The following GINM1 variants were observed in gnomAD, a reference collection of about 807,000 sequenced individuals.
GINM1 encodes the protein glycosylated integral membrane protein 1, also known as glycoprotein integral membrane protein 1.
GINM1 carries 29 observed loss-of-function variants against 37.8 expected under a neutral mutation model. The observed-to-expected ratio is 0.77, with a 90% CI of 0.57 to 1.05. The LOEUF (loss-of-function observed/expected upper bound fraction) is 1.05. GINM1 is among the 50% of genes least tolerant of loss of function. The pLI is 0.00. For synonymous variants in GINM1, 143 were observed against 146.2 expected (o/e 0.98, Z 0.16); for missense variants, 377 against 397.9 (o/e 0.95, Z 0.45).
intron 5 of GINM1, among the ~76,000 whole-genome samples, chr6:149,580,265 T>TA (rs1481696577): frequency 1.3e-5 from 2 of 152,354 alleles, no homozygotes; most frequent in Admixed American, 1.3e-4. Flanking sequence ...TAATTACTCT[T>TA]ACTCTGGGTA....
intron 6 of GINM1, 157 bp from the exon 7 acceptor site, chr6:149,582,283 T>C (rs1202247737): frequency 3.1e-6 from 2 of 651,852 alleles, no homozygotes; most frequent in Non-Finnish European, 5.4e-6. Flanking sequence ...ATTTAAAATA[T>C]ACAATTAGTT....
rs560037726 is a variant in GINM1, at chr6:149,577,174, G to A, written c.278-1648G>A. ...TGCGGGGAACATCCAAACTATATCA[G>A]GTACCAAATTTGCAGGCTGAAGAAT... On this transcript the variant is annotated intron_variant, in intron 3 of 7. Coordinates refer to ENST00000367419, the MANE Select transcript of GINM1 (RefSeq NM_138785.5). Among the ~76,000 whole-genome samples, 113 of 152,304 alleles carry A rather than the reference G, an allele frequency of 7.4e-4. 1 individual carries two copies. Among genetic ancestry groups the A allele is most frequent in the Admixed American group, 2.0e-3 (31 of 15,306 alleles).
At chr6:149,583,260 T>C (rs1562272961) in intron 7 of GINM1, among the ~76,000 whole-genome samples, 1 of 151,976 alleles carries the variant, frequency 6.6e-6, no homozygotes, top group Non-Finnish European at 1.5e-5. Context: ...GTCAGGAATT[T>C]GAGACCAGCC....
At chr6:149,580,461 C>G (rs760710730) in intron 5 of GINM1, 132 bp from the exon 6 acceptor site, 4 of 712,974 alleles carry the variant, frequency 5.6e-6, no homozygotes, top group Non-Finnish European at 9.3e-6. Flanking sequence ...AGTGAACATT[C>G]AGATGTGTTA....
chr6:149,572,977 T>C (rs1461794101), intron 3 of GINM1, among the ~76,000 whole-genome samples: 1 of 152,222 alleles, frequency 6.6e-6, no homozygotes, highest in Non-Finnish European at 1.5e-5. Context: ...GTTCTGTTTT[T>C]AATAATACTA....
intron 7 of GINM1, among the ~76,000 whole-genome samples, 190 bp from the exon 8 acceptor site, chr6:149,590,537 C>T (rs1778139047): frequency 6.6e-6 from 1 of 152,168 alleles, no homozygotes; most frequent in African/African-American, 2.4e-5. Context: ...CCTTTCTATT[C>T]TCTCAGCCAG....
intron 1 of GINM1, among the ~76,000 whole-genome samples, chr6:149,570,136 T>TTA (rs549791771): frequency 6.1e-4 from 28 of 45,776 alleles, no homozygotes; most frequent in Non-Finnish European, 8.9e-4. Flanking sequence ...TAGGTAGGTT[T>TTA]TATATATATA....
chr6:149,569,287 C>T (rs1255613572), intron 1 of GINM1, among the ~76,000 whole-genome samples: 2 of 150,774 alleles, frequency 1.3e-5, no homozygotes, highest in Non-Finnish European at 2.9e-5. Context: ...CCACCCGCCT[C>T]AGCCTTCCAA....
In GINM1 at chr6:149,582,580, G is replaced by A. The variant is rs370097169; in HGVS notation, c.858G>A (p.Val286=). The stretch of plus-strand genomic sequence containing the variant: ...CTGTGGTAATAACCATCTTAAAGGT[G>A]TTTTTCCCAGTTTCTGAATACAAGT... ...GAAVVITILK[V]FFPVSEYKGI... The change falls in exon 7 of 8, where the codon GTG becomes GTA. Residue 286 remains valine, a synonymous_variant. Transcript: ENST00000367419. The A allele has an allele frequency of 1.9e-6, 3 of 1,579,854 alleles. No homozygotes were observed. The highest frequency in any genetic ancestry group is 1.7e-6 in the Non-Finnish European group (2 of 1,169,892).
intron 3 of GINM1, chr6:149,578,326 A>C (rs1777945896): frequency 6.6e-6 from 1 of 152,228 alleles, no homozygotes; most frequent in Admixed American, 6.6e-5. Context: ...AGTTAGCAAG[A>C]CCAGCCCGGC....
intron 6 of GINM1, among the ~76,000 whole-genome samples, chr6:149,581,414 C>T (rs1199872886): frequency 1.3e-5 from 2 of 152,198 alleles, no homozygotes; most frequent in Non-Finnish European, 2.9e-5. Context: ...CCATCTTGGC[C>T]TCCCAAAGTG....
At position 149,566,402 on chromosome 6, in the gene GINM1, C is replaced by A. The variant is rs755503230; in HGVS notation, c.-13C>A. 8 of 1,553,916 alleles carry A rather than the reference C, an allele frequency of 5.1e-6. No homozygotes were observed. The South Asian group carries it at 9.3e-5, about 18-fold the overall frequency. On this transcript the variant is annotated 5_prime_UTR_variant, in exon 1 of 8. Coordinates refer to ENST00000367419, the MANE Select transcript of GINM1 (RefSeq NM_138785.5). This position sits in a 1 kb window ranked among gnomAD's most constrained non-coding sequence, Gnocchi z 4.4. The stretch of plus-strand genomic sequence containing the variant: ...CTCCCGGCCGCGGCTGCCCTCTGCC[C>A]GGGTTGTCCAAGATGGAGGGCGCTC...
chr6:149,583,771 G>A (rs1381127047), intron 7 of GINM1, among the ~76,000 whole-genome samples: 2 of 152,094 alleles, frequency 1.3e-5, no homozygotes, highest in Admixed American at 1.3e-4. Context: ...TCACATTTAG[G>A]TAAAACAAAA....
chr6:149,587,214 C>A (rs749337807), intron 7 of GINM1, among the ~76,000 whole-genome samples: 16 of 152,192 alleles, frequency 1.1e-4, no homozygotes, highest in Non-Finnish European at 2.2e-4. Flanking sequence ...CTCTGACACT[C>A]TGGAGTACTT....
chr6:149,579,766 T>C, intron 4 of GINM1, 68 bp from the exon 5 acceptor site: 2 of 953,420 alleles, frequency 2.1e-6, no homozygotes, highest in South Asian at 1.9e-5. Flanking sequence ...GGAGGAAAAT[T>C]TGCTTTTAAA....
chr6:149,584,675 G>C (rs528003097), intron 7 of GINM1: 5 of 151,828 alleles, frequency 3.3e-5, no homozygotes, highest in African/African-American at 1.2e-4. Context: ...AGATTTTTTT[G>C]GAATTTTGAA....
intron 7 of GINM1, chr6:149,584,393 A>G (rs915405201): frequency 6.6e-6 from 1 of 152,340 alleles, no homozygotes; most frequent in Middle Eastern, 3.4e-3. Context: ...TTTGGAAAAG[A>G]AGACCTAATT....
intron 3 of GINM1, among the ~76,000 whole-genome samples, chr6:149,574,755 C>T (rs1182612571): frequency 1.3e-5 from 2 of 152,044 alleles, no homozygotes; most frequent in African/African-American, 4.8e-5. Context: ...GTTTTCCCAG[C>T]TACTTAGGAG....
intron 3 of GINM1, among the ~76,000 whole-genome samples, chr6:149,577,771 A>G (rs142688266): frequency 6.6e-6 from 1 of 152,266 alleles, no homozygotes; most frequent in African/African-American, 2.4e-5. Context: ...TATTTGAGGG[A>G]TAGAAATAAA....
Sources: gnomAD v4.1 joint callset for allele counts (sites outside exome capture counted in the v4.1 genomes callset) on GRCh38, gnomAD v4.1.1 for gene constraint, Gnocchi (gnomAD v3.1) non-coding constraint, MANE v1.5 for transcripts, NCBI Gene and HGNC (gene_info 2026-07-23, HGNC 2026-07-21) for gene names.